SLC5A8: variants seen among roughly 807,000 people sequenced by gnomAD.
SLC5A8 encodes sodium-coupled monocarboxylate transporter 1.
SLC5A8 carries 55 observed loss-of-function variants against 71.9 expected under a neutral mutation model. The ratio of observed to expected loss-of-function variants is 0.77; its 90% CI spans 0.62 to 0.96. The LOEUF (loss-of-function observed/expected upper bound fraction) is 0.96, where lower values mean the gene tolerates loss of function less well. Ranked by LOEUF, SLC5A8 falls within the 40% of genes least tolerant of loss-of-function variation. The pLI is 0.00. For missense variants in SLC5A8, 701 were observed against 745.3 expected (o/e 0.94, Z 0.69); for synonymous variants, 307 against 276.1 (o/e 1.11, Z -1.11).
At chr12:101,196,957 T>A (rs1869203797) in intron 3 of SLC5A8, among the ~76,000 whole-genome samples, 1 of 152,166 alleles carries the variant, frequency 6.6e-6, no homozygotes, top group African/African-American at 2.4e-5. Flanking sequence ...GAGTCCAATA[T>A]GCAGCCAAGG....
At chr12:101,161,289 G>A (rs2051721115) in intron 13 of SLC5A8, among the ~76,000 whole-genome samples, 1 of 152,106 alleles carries the variant, frequency 6.6e-6, no homozygotes, top group Admixed American at 6.6e-5. Flanking sequence ...GGGAGTAAAT[G>A]AGAATGAGAA....
At chr12:101,161,140 T>C (rs1166707324) in intron 13 of SLC5A8, among the ~76,000 whole-genome samples, 1 of 152,208 alleles carries the variant, frequency 6.6e-6, no homozygotes, top group Non-Finnish European at 1.5e-5. Context: ...TTTTCAACCC[T>C]AGCAATTTCT....
chr12:101,160,193 C>T (rs2051711540), intron 13 of SLC5A8, among the ~76,000 whole-genome samples: 1 of 152,046 alleles, frequency 6.6e-6, no homozygotes, highest in Non-Finnish European at 1.5e-5. Context: ...ACAGCAACAA[C>T]AACAACAACA....
chr12:101,171,278 G>C (rs529384711), intron 10 of SLC5A8, among the ~76,000 whole-genome samples: 15 of 152,284 alleles, frequency 9.9e-5, no homozygotes, highest in African/African-American at 3.6e-4. Context: ...AATCTGGTTG[G>C]AAATCCCCGG....
At chr12:101,167,435 GT>G (rs1260842666) in intron 11 of SLC5A8, among the ~76,000 whole-genome samples, 2 of 152,158 alleles carry the variant, frequency 1.3e-5, no homozygotes, top group African/African-American at 2.4e-5. Context: ...TACATTATCA[GT>G]TTTTCCTGAA....
At chr12:101,167,972 T>C (rs2051788953) in intron 11 of SLC5A8, 124 bp downstream of exon 11, 13 of 914,806 alleles carry the variant, frequency 1.4e-5, no homozygotes, top group Admixed American at 2.5e-5. Flanking sequence ...TCAACAGAAA[T>C]AATTTAAGTC....
chr12:101,158,985 T>A (rs2051701702), intron 13 of SLC5A8, among the ~76,000 whole-genome samples: 1 of 151,620 alleles, frequency 6.6e-6, no homozygotes, highest in African/African-American at 2.4e-5. Context: ...TTTGCTTTGG[T>A]ATTTTTTGTG....
chr12:101,194,866 A>T (rs1230016899), intron 4 of SLC5A8, among the ~76,000 whole-genome samples: 1 of 152,208 alleles, frequency 6.6e-6, no homozygotes, highest in Non-Finnish European at 1.5e-5. Context: ...CAAGATTAGG[A>T]ACCATTGCAA....
chr12:101,164,416 T>G (rs981759146), intron 12 of SLC5A8, among the ~76,000 whole-genome samples: 1 of 152,118 alleles, frequency 6.6e-6, no homozygotes, highest in Non-Finnish European at 1.5e-5. Context: ...AATGTAACCA[T>G]CAAATATTGT....
At chr12:101,159,798 A>C (rs769783907) in intron 13 of SLC5A8, among the ~76,000 whole-genome samples, 1 of 152,240 alleles carries the variant, frequency 6.6e-6, no homozygotes, top group Non-Finnish European at 1.5e-5. Context: ...AATGAGCTAA[A>C]TAAGGACCAA....
chr12:101,168,861 GA>G (rs1209447853), intron 10 of SLC5A8, among the ~76,000 whole-genome samples: 1 of 152,188 alleles, frequency 6.6e-6, no homozygotes, highest in Non-Finnish European at 1.5e-5. Flanking sequence ...CAGTTCTTAA[GA>G]ATGGACACAA....
chr12:101,187,583 T>C (rs1372200329), intron 6 of SLC5A8, 68 bp from the exon 7 acceptor site: 5 of 1,514,100 alleles, frequency 3.3e-6, no homozygotes, highest in African/African-American at 1.4e-5. Context: ...GGAAACCTGT[T>C]ACATGATCAA....
At chr12:101,202,024 C>G (rs1869474817) in intron 3 of SLC5A8, 140 bp downstream of exon 3, 2 of 802,608 alleles carry the variant, frequency 2.5e-6, no homozygotes, top group African/African-American at 1.7e-5. Flanking sequence ...GACACTGAAC[C>G]CATCCTGCCC....
At chr12:101,191,601 T>C (rs533073197) in intron 5 of SLC5A8, among the ~76,000 whole-genome samples, 43 of 152,326 alleles carry the variant, frequency 2.8e-4, no homozygotes, top group Non-Finnish European at 5.1e-4. Flanking sequence ...AAGGAGCCAG[T>C]AAGCTATCTG....
At chr12:101,203,870 T>C (rs146908167) in intron 2 of SLC5A8, among the ~76,000 whole-genome samples, 43 of 152,336 alleles carry the variant, frequency 2.8e-4, no homozygotes, top group African/African-American at 1.0e-3. Flanking sequence ...TTGCTTTCCC[T>C]TTGTGTCAAT....
At position 101,157,033 on chromosome 12, in the gene SLC5A8, C is replaced by G; in HGVS notation, c.*246G>C. 1 of 419,408 alleles carries G rather than the reference C, an allele frequency of 2.4e-6. No homozygotes were observed. The highest frequency in any genetic ancestry group is 4.2e-6 in the Non-Finnish European group (1 of 235,658). The allele number at this position is 419,408 out of a possible 1,614,324, so 26.0% of individuals were successfully genotyped here. On this transcript the variant is annotated 3_prime_UTR_variant, in exon 15 of 15. Transcript: ENST00000536262. ...AGCATCTATGTAGTTACAATTTTCACAATTATAGCTTCATCGAAATAAAGG... is the reference window on the plus strand; with the variant it reads ...AGCATCTATGTAGTTACAATTTTCAGAATTATAGCTTCATCGAAATAAAGG...
Position 101,184,356 on chromosome 12 carries a change from C to T in SLC5A8, c.964-134G>A, listed in dbSNP as rs879010456. The T allele has an allele frequency of 1.1e-5, 8 of 710,154 alleles. No homozygotes were observed. The South Asian group carries it at 1.5e-4, about 13-fold the overall frequency. 44.0% of individuals were successfully genotyped at this position (710,154 alleles called of 1,614,324 possible). On this transcript the variant is annotated intron_variant, in intron 7 of 14. Transcript: ENST00000536262. ...CCACACAAATGAAATTTTCAAATAC[C>T]TAAAATTAAACTGTTTAACTACTAA...
intron 13 of SLC5A8, among the ~76,000 whole-genome samples, chr12:101,159,051 C>A (rs113842641): frequency 6.6e-6 from 1 of 151,828 alleles, no homozygotes; most frequent in Non-Finnish European, 1.5e-5. Flanking sequence ...CCTCAAACTA[C>A]CCTTCCCCAA....
chr12:101,158,209 G>A (rs2051685161), intron 14 of SLC5A8, 40 bp downstream of exon 14: 2 of 1,374,884 alleles, frequency 1.5e-6, no homozygotes, highest in Non-Finnish European at 2.1e-6. Context: ...AGGTAATAAA[G>A]CCCAGTTTCC....
Sources: allele counts gnomAD v4.1 joint callset (sites outside exome capture counted in the v4.1 genomes callset), GRCh38; gene constraint gnomAD v4.1.1; transcripts MANE v1.5; gene names NCBI Gene and HGNC (gene_info 2026-07-23, HGNC 2026-07-21).